The following TLE5 variants were observed in gnomAD, a reference collection of about 807,000 sequenced individuals.
TLE5 encodes TLE family member 5, transcriptional modulator, also known as TLE family member 5.
Under a neutral mutation model 25.8 loss-of-function variants are expected in TLE5, and 7 were observed. The observed-to-expected ratio is 0.27, with a 90% CI of 0.15 to 0.51. TLE5 has a LOEUF of 0.51. Ranked by LOEUF, TLE5 falls within the 20% of genes least tolerant of loss-of-function variation. The pLI is 0.97. For synonymous variants in TLE5, 132 were observed against 110.5 expected, an observed-to-expected ratio of 1.20 and a Z score of -1.22; for missense variants, 149 against 250.7, an observed-to-expected ratio of 0.59 and a Z score of 2.74.
chr19:3,062,620 C>A (rs2090282153), upstream of TLE5: 1 of 1,142,600 alleles, frequency 8.8e-7, no homozygotes, highest in Admixed American at 4.8e-5. Flanking sequence ...CGGCCCGCCT[C>A]CCCGTGGCCC....
At chr19:3,056,209 A>AG in intron 4 of TLE5, 103 bp downstream of exon 4, 3 of 555,248 alleles carry the variant, frequency 5.4e-6, no homozygotes, top group Non-Finnish European at 8.3e-6. Context: ...TGCCCAGCCG[A>AG]GGGCCGGCCG....
At chr19:3,061,890 G>GGT (rs1555697653) in intron 1 of TLE5, among the ~76,000 whole-genome samples, 1 of 145,564 alleles carries the variant, frequency 6.9e-6, no homozygotes, top group Admixed American at 6.7e-5. Context: ...GCGGGTTGGG[G>GGT]GGGGGGGGCG....
rs1199326244 is a variant in TLE5, at chr19:3,057,343, CTCGGCTGCTCCCCCACGTCAGT to C, written c.189+314_189+335del. 8.8e-6 allele frequency: 3 copies of C among 341,556 alleles called. No individual in the cohort carries two copies. In the East Asian group the frequency reaches 1.9e-4, roughly 22 times the overall value. 21.2% of individuals were successfully genotyped at this position (341,556 alleles called of 1,614,324 possible). A position where few individuals can be genotyped will look rare whatever the true frequency, so the allele number is the denominator to read the frequency against. On this transcript the variant is annotated intron_variant, in intron 3 of 6. Coordinates refer to ENST00000327141, the MANE Select transcript of TLE5 (RefSeq NM_001130.6). ...CTGGGACCTTGGCGGTGGGGAGGGA[CTCGGCTGCTCCCCCACGTCAGT>C]TCCTGGCTGTTGGCTTTCACAGCCG...
chr19:3,057,690 G>A lies in TLE5; in HGVS notation c.178C>T (p.His60Tyr). The stretch of plus-strand genomic sequence containing the variant: ...CGGAGTGACGTTACCATCACATAGT[G>A]ACGCTGCATCTCTGACTTCTCACTG... Reference protein sequence around the residue: ...LASEKSEMQRHYVMYYEMSYG... With the variant: ...LASEKSEMQRYYVMYYEMSYG... Residue 60 changes from histidine (H) to tyrosine (Y), a missense_variant, in exon 3 of 7, where the codon CAC (histidine) becomes TAC (tyrosine). Coordinates refer to ENST00000327141, the MANE Select transcript of TLE5 (RefSeq NM_001130.6). 6.2e-7 allele frequency: 1 copy of A among 1,613,578 alleles called. No homozygotes were observed. The highest frequency in any genetic ancestry group is 8.5e-7 in the Non-Finnish European group (1 of 1,179,912).
Position 3,061,254 on chromosome 19 carries a change from A to G in TLE5, c.31T>C (p.Ser11Pro). 1.2e-6 allele frequency: 2 copies of G among 1,612,940 alleles called. No individual in the cohort carries two copies. The highest frequency in any genetic ancestry group is 1.7e-6 in the Non-Finnish European group (2 of 1,179,222). The change falls in exon 2 of 7, where the codon TCC (serine) becomes CCC (proline). Residue 11 changes from serine (S) to proline (P), a missense_variant. Physicochemically the swap from Ser to Pro is moderately conservative, Grantham distance 74. Transcript: ENST00000327141. ...TTGAGTTGCTGGGGTAGGTGCGAGGAGCCCTGTAGGGATGGGGCGGCCCGG... is the reference window on the plus strand; with the variant it reads ...TTGAGTTGCTGGGGTAGGTGCGAGGGGCCCTGTAGGGATGGGGCGGCCCGG... The part of the protein sequence containing the change: MMFPQSRHSG[S>P]SHLPQQLKFT...
Position 3,053,676 on chromosome 19 carries a change from G to A in TLE5, c.*143C>T, listed in dbSNP as rs1351471490. The A allele has an allele frequency of 4.1e-6, 4 of 969,866 alleles. No homozygotes were observed. The highest frequency in any genetic ancestry group is 2.7e-5 in the Admixed American group (1 of 36,682). 60.1% of individuals were successfully genotyped at this position (969,866 alleles called of 1,614,324 possible). A position where few individuals can be genotyped will look rare whatever the true frequency, so the allele number is the denominator to read the frequency against. ...AGAGGTGGCCTGCAAGCTGGGCTGG[G>A]GCCCCCGCCGGCGGCCACCATAAAT... On this transcript the variant is annotated 3_prime_UTR_variant, in exon 7 of 7. Transcript: ENST00000327141.
chr19:3,061,407 C>T, intron 1 of TLE5, 150 bp from the exon 2 acceptor site: 1 of 498,304 alleles, frequency 2.0e-6, no homozygotes, highest in Non-Finnish European at 3.5e-6. Context: ...GCGACCCCAC[C>T]CGCGCTTCCT....
chr19:3,060,327 T>TC (rs1189155234), intron 2 of TLE5, among the ~76,000 whole-genome samples: 29 of 127,998 alleles, frequency 2.3e-4, no homozygotes, highest in Non-Finnish European at 3.9e-4. Flanking sequence ...TTTTTTTCTT[T>TC]CTTTTTTTTT....
chr19:3,061,224 T>C lies in TLE5; in HGVS notation c.61A>G (p.Thr21Ala), dbSNP rs2090263594. Residue 21 changes from threonine (T) to alanine (A), a missense_variant, in exon 2 of 7, where the codon ACC becomes GCC. Transcript: ENST00000327141. The part of the protein sequence containing the change: ...SSHLPQQLKF[T>A]TSDSCDRIKD... ...ATGCGGTCGCAGGAGTCCGAGGTGG[T>C]GAATTTGAGTTGCTGGGGTAGGTGC... 18 of 1,613,418 alleles carry C rather than the reference T, an allele frequency of 1.1e-5. No individual in the cohort carries two copies. Among genetic ancestry groups the C allele is most frequent in the Non-Finnish European group, 1.4e-5 (17 of 1,179,674 alleles).
Position 3,057,642 on chromosome 19 carries a change from G to A in TLE5, c.189+37C>T, listed in dbSNP as rs372897754. 228 of 1,597,768 alleles carry A rather than the reference G, an allele frequency of 1.4e-4. 1 individual carries two copies. The highest frequency in any genetic ancestry group is 1.6e-4 in the Non-Finnish European group (183 of 1,167,200). The stretch of plus-strand genomic sequence containing the variant: ...GGGGATGTGGAGGGCCCTGTCGCCC[G>A]CCCCCAACACTGGACCTGGGGGCGG... On this transcript the variant is annotated intron_variant, in intron 3 of 6. Coordinates refer to ENST00000327141, the MANE Select transcript of TLE5 (RefSeq NM_001130.6).
chr19:3,054,451 T>C (rs2090201019), intron 5 of TLE5: 2 of 578,814 alleles, frequency 3.5e-6, no homozygotes, highest in Admixed American at 3.0e-5. Flanking sequence ...TTGTGCTAAG[T>C]AGTTAGGAAA....
At chr19:3,061,105 G>C in intron 2 of TLE5, 55 bp downstream of exon 2, 1 of 1,372,828 alleles carries the variant, frequency 7.3e-7, no homozygotes. Flanking sequence ...CTGCGCAGAA[G>C]AAATGGGGGG....
At chr19:3,062,793 TG>T, upstream of TLE5, 1 of 1,550,198 alleles carries the variant, frequency 6.5e-7, no homozygotes, top group South Asian at 1.2e-5. Flanking sequence ...TGGCACGACC[TG>T]GACGCGTGCC....
intron 2 of TLE5, 141 bp from the exon 3 acceptor site, chr19:3,057,883 TA>T (rs1293920680): frequency 2.7e-6 from 2 of 752,762 alleles, no homozygotes; most frequent in Admixed American, 2.5e-5. Context: ...GGTCAAGCAA[TA>T]ATTTTTTTTT....
chr19:3,062,078 G>C (rs1302542384), intron 1 of TLE5, 96 bp downstream of exon 1: 13 of 548,724 alleles, frequency 2.4e-5, no homozygotes, highest in Non-Finnish European at 3.2e-5. Context: ...GAGGCACCGG[G>C]CCTGGGGGTT....
At chr19:3,061,402 C>T in intron 1 of TLE5, 145 bp from the exon 2 acceptor site, 1 of 514,474 alleles carries the variant, frequency 1.9e-6, no homozygotes, top group Non-Finnish European at 3.3e-6. Flanking sequence ...CTGGCGCGAC[C>T]CCACCCGCGC....
At chr19:3,055,500 T>G in intron 5 of TLE5, 164 bp downstream of exon 5, 1 of 480,906 alleles carries the variant, frequency 2.1e-6, no homozygotes, top group South Asian at 6.0e-5. Context: ...GGCCCGGGGA[T>G]TCTTCTGCAC....
chr19:3,059,653 T>C (rs2090248327), intron 2 of TLE5, among the ~76,000 whole-genome samples: 1 of 152,180 alleles, frequency 6.6e-6, no homozygotes, highest in African/African-American at 2.4e-5. Flanking sequence ...TCTGATATGG[T>C]AGGGTCCCTC....
chr19:3,061,846 G>T (rs1031811301), intron 1 of TLE5, among the ~76,000 whole-genome samples: 2 of 147,488 alleles, frequency 1.4e-5, no homozygotes, highest in African/African-American at 5.0e-5. Flanking sequence ...CCCCAGGCCC[G>T]AGGCCAAGGC....
Sources: allele counts gnomAD v4.1 joint callset (sites outside exome capture counted in the v4.1 genomes callset), GRCh38; gene constraint gnomAD v4.1.1; transcripts MANE v1.5; gene names NCBI Gene and HGNC (gene_info 2026-07-23, HGNC 2026-07-21).